OPRM1: variants seen among roughly 807,000 people sequenced by gnomAD.
OPRM1 encodes opioid receptor mu 1.
Under a neutral mutation model 31.8 loss-of-function variants are expected in OPRM1, and 27 were observed. That is an observed-to-expected ratio of 0.85 (90% CI 0.63 to 1.17). The LOEUF is 1.17. Ranked by LOEUF, OPRM1 falls within the 50% of genes most tolerant of loss-of-function variation. The pLI is 0.00. For missense variants in OPRM1, 536 were observed against 511.1 expected (o/e 1.05, Z -0.47); for synonymous variants, 196 against 189.9 (o/e 1.03, Z -0.26).
At position 154,124,729 on chromosome 6, in the gene OPRM1, T is replaced by C. The variant is rs987555969; in HGVS notation, c.*6008T>C. Among the ~76,000 whole-genome samples the C allele has an allele frequency of 6.6e-6, 1 of 152,206 alleles. No homozygotes were observed. The highest frequency in any genetic ancestry group is 1.5e-5 in the Non-Finnish European group (1 of 68,036). ...GTCTCAGACAGTGCAGAAGCTTTAT[T>C]GTTTATTTGGGAAGAGCAAGGTAAG... On this transcript the variant is annotated 3_prime_UTR_variant, in exon 4 of 4. Transcript: ENST00000330432.
intron 3 of OPRM1, among the ~76,000 whole-genome samples, chr6:154,151,797 A>G (rs1798505826): frequency 1.3e-5 from 2 of 152,114 alleles, no homozygotes; most frequent in Non-Finnish European, 2.9e-5. Context: ...ATGCCTTCCT[A>G]GAATACGTGA....
rs368697074 is a variant in OPRM1, at chr6:154,129,851, A to AGC, written c.*11131_*11132dup. On this transcript the variant is annotated 3_prime_UTR_variant, in exon 4 of 4. Transcript: ENST00000330432. ...TTTACCACCGACACCCTCCCCCCCC[A>AGC]GCACACACACACACACACACACACA... 4.3e-3 allele frequency among the ~76,000 whole-genome samples: 429 copies of AGC among 99,880 alleles called. 1 individual carries two copies. Among genetic ancestry groups the AGC allele is most frequent in the Middle Eastern group, 8.6e-3 (2 of 232 alleles). The allele number at this position is 99,880 out of a possible 152,430, so 65.5% of individuals were successfully genotyped here. A position where few individuals can be genotyped will look rare whatever the true frequency, so the allele number is the denominator to read the frequency against.
At chr6:154,110,479 C>G in intron 3 of OPRM1, 1 of 1,018,584 alleles carries the variant, frequency 9.8e-7, no homozygotes, top group African/African-American at 1.6e-5. Context: ...CTGCTGCTAG[C>G]CCTAATGGAG....
chr6:154,180,301 T>C (rs908625953), intron 3 of OPRM1, among the ~76,000 whole-genome samples: 1 of 151,154 alleles, frequency 6.6e-6, no homozygotes, highest in Admixed American at 6.6e-5. Context: ...TAAACTTTCT[T>C]CAAACTTAGG....
intron 1 of OPRM1, among the ~76,000 whole-genome samples, chr6:154,068,692 A>T (rs1334115954): frequency 6.6e-6 from 1 of 152,074 alleles, no homozygotes; most frequent in Non-Finnish European, 1.5e-5. Context: ...TCTTCAACAT[A>T]TTTATTTTGT....
intron 1 of OPRM1, among the ~76,000 whole-genome samples, chr6:154,050,705 A>G (rs930161876): frequency 6.6e-6 from 1 of 152,190 alleles, no homozygotes; most frequent in African/African-American, 2.4e-5. Flanking sequence ...GAAAGCACAA[A>G]AGGGTGACTA....
At chr6:154,073,338 T>C (rs1312552321) in intron 1 of OPRM1, among the ~76,000 whole-genome samples, 2 of 152,176 alleles carry the variant, frequency 1.3e-5, no homozygotes, top group Non-Finnish European at 2.9e-5. Flanking sequence ...GCAGAGATAC[T>C]AGGCTATACC....
chr6:154,174,849 C>T (rs1800182798), intron 3 of OPRM1, among the ~76,000 whole-genome samples: 1 of 152,174 alleles, frequency 6.6e-6, no homozygotes, highest in South Asian at 2.1e-4. Context: ...AACTCTCCAC[C>T]CAAAATCAAC....
In OPRM1 at chr6:154,145,153, G is replaced by C. The variant is rs1583653883; in HGVS notation, c.1164+53681G>C. Among the ~76,000 whole-genome samples the C allele has an allele frequency of 2.6e-5, 4 of 152,180 alleles. No individual in the cohort carries two copies. In the South Asian group the frequency reaches 8.3e-4, roughly 32 times the overall value. ...AGTTCTAGTTAGTGCAATAAGACAA[G>C]AGAAGGAAATAAAAGTCATACAGTT... On this transcript the variant is annotated intron_variant, in intron 3 of 3. Coordinates refer to the OPRM1 transcript ENST00000337049.
intron 3 of OPRM1, among the ~76,000 whole-genome samples, chr6:154,178,810 T>G (rs1800579783): frequency 1.3e-5 from 2 of 152,226 alleles, no homozygotes; most frequent in Admixed American, 1.3e-4. Context: ...TCACTCAGCT[T>G]CCTGCCTCTC....
At chr6:154,083,675 GCTCACGCCT>G (rs1789702486) in intron 1 of OPRM1, 1 of 152,514 alleles carries the variant, frequency 6.6e-6, no homozygotes, top group Admixed American at 6.5e-5. Flanking sequence ...GGGTGCGATG[GCTCACGCCT>G]GTAATCCTGG....
At position 154,159,928 on chromosome 6, in the gene OPRM1, T is replaced by C. The variant is rs1798868512; in HGVS notation, c.1164+68456T>C. Reference sequence around the variant, plus strand: ...GGCAGGCGAAGCCCGCTGCTGCTGATAGATGTCCTGGATCAGCAGGGTGTT... The same window carrying C: ...GGCAGGCGAAGCCCGCTGCTGCTGACAGATGTCCTGGATCAGCAGGGTGTT... On this transcript the variant is annotated intron_variant, in intron 3 of 3. Coordinates refer to the OPRM1 transcript ENST00000337049. 5.0e-6 allele frequency: 8 copies of C among 1,613,894 alleles called. No homozygotes were observed. Among genetic ancestry groups the C allele is most frequent in the Non-Finnish European group, 4.2e-6 (5 of 1,179,982 alleles).
At chr6:154,068,559 G>A (rs565081535) in intron 1 of OPRM1, among the ~76,000 whole-genome samples, 7 of 152,132 alleles carry the variant, frequency 4.6e-5, no homozygotes, top group Admixed American at 6.5e-5. Context: ...TGGCTAAGTC[G>A]TATCCCATTG....
At chr6:154,144,004 T>C (rs1031801502) in intron 3 of OPRM1, among the ~76,000 whole-genome samples, 16 of 152,260 alleles carry the variant, frequency 1.1e-4, no homozygotes, top group African/African-American at 3.9e-4. Context: ...AGTACAGACC[T>C]GCAGATATCA....
chr6:154,018,848 A>G (rs1018982329), intron 1 of OPRM1, among the ~76,000 whole-genome samples: 24 of 152,202 alleles, frequency 1.6e-4, no homozygotes, highest in African/African-American at 5.3e-4. Context: ...ATTTTCCAGG[A>G]ACCTCACTTG....
At chr6:154,244,297 G>GGGGT (rs1307383951) in intron 3 of OPRM1, among the ~76,000 whole-genome samples, 19 of 76,900 alleles carry the variant, frequency 2.5e-4, no homozygotes, top group African/African-American at 1.0e-3. Flanking sequence ...TGTGTGTGTG[G>GGGGT]GTGGGTGTGT....
chr6:154,080,958 C>T (rs941871957), intron 1 of OPRM1, among the ~76,000 whole-genome samples: 3 of 152,188 alleles, frequency 2.0e-5, no homozygotes, highest in African/African-American at 7.2e-5. Context: ...TTCTAACAAT[C>T]CCAATTCTCC....
chr6:154,107,783 C>T (rs181545888), intron 3 of OPRM1: 4 of 718,262 alleles, frequency 5.6e-6, no homozygotes, highest in South Asian at 4.4e-5. Flanking sequence ...ACCAACTTGC[C>T]GGGTCGTCTT....
chr6:154,036,899 G>T (rs539130469), upstream of OPRM1, among the ~76,000 whole-genome samples: 1 of 152,010 alleles, frequency 6.6e-6, no homozygotes, highest in South Asian at 2.1e-4. Context: ...GAGTGAGGGA[G>T]GGAGTCCACT....
Sources: allele counts gnomAD v4.1 joint callset (sites outside exome capture counted in the v4.1 genomes callset), GRCh38; gene constraint gnomAD v4.1.1; transcripts MANE v1.5; gene names NCBI Gene and HGNC (gene_info 2026-07-23, HGNC 2026-07-21).